The following KCNIP4 variants were observed in gnomAD, a reference collection of about 807,000 sequenced individuals.
KCNIP4 encodes the protein Kv channel-interacting protein 4.
Under a neutral mutation model 34.0 loss-of-function variants are expected in KCNIP4, and 12 were observed. The observed-to-expected ratio is 0.35, with a 90% confidence interval of 0.23 to 0.57. The LOEUF (loss-of-function observed/expected upper bound fraction) is 0.57. Among genes scored for constraint, KCNIP4 ranks in the 20% least tolerant of loss-of-function variants. KCNIP4 has a pLI of 0.83. For synonymous variants in KCNIP4, 124 were observed against 102.2 expected (o/e 1.21, Z -1.29); for missense variants, 238 against 311.7 (o/e 0.76, Z 1.78).
chr4:21,528,781 AAGAAAGG>A (rs1736353337), intron 1 of KCNIP4, among the ~76,000 whole-genome samples: 1 of 19,174 alleles, frequency 5.2e-5, no homozygotes, highest in Non-Finnish European at 1.1e-4. Flanking sequence ...GAAAGAAAGG[AAGAAAGG>A]AAGAAAGGAA....
At chr4:21,013,301 A>G (rs1409985176) in intron 1 of KCNIP4, among the ~76,000 whole-genome samples, 1 of 152,138 alleles carries the variant, frequency 6.6e-6, no homozygotes, top group Non-Finnish European at 1.5e-5. Flanking sequence ...TAGGAGGTGA[A>G]GACTTTCAGG....
chr4:21,460,103 G>C (rs189251352), intron 1 of KCNIP4, among the ~76,000 whole-genome samples: 798 of 56,878 alleles, frequency 0.014, 13 homozygotes, highest in Non-Finnish European at 0.031. Flanking sequence ...TCTGCCCCCC[G>C]CCCCCCATCT....
chr4:20,817,568 A>T (rs1456187307), intron 3 of KCNIP4, among the ~76,000 whole-genome samples: 1 of 151,376 alleles, frequency 6.6e-6, no homozygotes, highest in East Asian at 1.9e-4. Flanking sequence ...AAGCTTAATT[A>T]TTCTTATTTC....
chr4:21,332,371 C>T (rs906868699), intron 1 of KCNIP4, among the ~76,000 whole-genome samples: 3 of 151,890 alleles, frequency 2.0e-5, no homozygotes, highest in African/African-American at 7.3e-5. Context: ...GGTGATGACT[C>T]CAGATTTACA....
intron 1 of KCNIP4, chr4:21,850,995 T>C (rs928474156): frequency 1.3e-5 from 2 of 151,794 alleles, no homozygotes; most frequent in Non-Finnish European, 2.9e-5. Flanking sequence ...CATAATGACA[T>C]AGGAAAAAAA....
intron 1 of KCNIP4, among the ~76,000 whole-genome samples, chr4:21,738,911 A>G (rs1716205866): frequency 6.6e-6 from 1 of 152,138 alleles, no homozygotes; most frequent in African/African-American, 2.4e-5. Context: ...TGGAGAATAG[A>G]AATTGTGGTT....
At chr4:21,851,991 T>A (rs1450399786) in intron 1 of KCNIP4, 1 of 94,286 alleles carries the variant, frequency 1.1e-5, no homozygotes, top group African/African-American at 3.7e-5. Context: ...TACAATTCAA[T>A]TAATATGTGT....
intron 1 of KCNIP4, among the ~76,000 whole-genome samples, chr4:21,644,652 G>A (rs35038373): frequency 0.058 from 8,746 of 152,092 alleles, 306 homozygotes; most frequent in Middle Eastern, 0.12. Context: ...CTCAGAGTCC[G>A]CTGGAATTCT....
chr4:20,933,587 T>C (rs370054802), intron 1 of KCNIP4, among the ~76,000 whole-genome samples: 2 of 152,192 alleles, frequency 1.3e-5, no homozygotes, highest in East Asian at 3.8e-4. Context: ...TCTTATATTT[T>C]AAAACAATTT....
At chr4:21,207,049 T>A (rs1756902294) in intron 1 of KCNIP4, among the ~76,000 whole-genome samples, 1 of 152,234 alleles carries the variant, frequency 6.6e-6, no homozygotes, top group Non-Finnish European at 1.5e-5. Flanking sequence ...TAATAGCATT[T>A]ACTTTCCTAG....
At chr4:21,783,824 C>A (rs1412362419) in intron 1 of KCNIP4, among the ~76,000 whole-genome samples, 3 of 152,092 alleles carry the variant, frequency 2.0e-5, no homozygotes, top group Non-Finnish European at 2.9e-5. Context: ...TAATTTACAA[C>A]CTCAACAGAT....
intron 1 of KCNIP4, among the ~76,000 whole-genome samples, chr4:21,773,129 T>C (rs1198608856): frequency 6.6e-6 from 1 of 152,176 alleles, no homozygotes; most frequent in Non-Finnish European, 1.5e-5. Flanking sequence ...CTGTTCTCAT[T>C]GGTTTGAAAG....
intron 1 of KCNIP4, among the ~76,000 whole-genome samples, chr4:21,270,246 A>G (rs1762060030): frequency 6.6e-6 from 1 of 152,136 alleles, no homozygotes; most frequent in Non-Finnish European, 1.5e-5. Flanking sequence ...AGAATGCCAA[A>G]TATAAAAAGG....
At chr4:21,268,593 G>A (rs1169020479) in intron 1 of KCNIP4, among the ~76,000 whole-genome samples, 1 of 152,242 alleles carries the variant, frequency 6.6e-6, no homozygotes, top group South Asian at 2.1e-4. Context: ...GGTGGTCACA[G>A]ACATGCAAGG....
intron 1 of KCNIP4, among the ~76,000 whole-genome samples, chr4:21,017,390 G>T (rs527883341): frequency 6.6e-6 from 1 of 152,078 alleles, no homozygotes; most frequent in Admixed American, 6.6e-5. Context: ...TCCTCAATGT[G>T]TCCATGTGTT....
At chr4:21,900,062 T>A (rs924779834) in intron 1 of KCNIP4, among the ~76,000 whole-genome samples, 5 of 152,136 alleles carry the variant, frequency 3.3e-5, no homozygotes, top group Admixed American at 6.6e-5. Flanking sequence ...AGCAGACACA[T>A]AGACCTATAG....
At chr4:20,881,270 C>G (rs58334479) in intron 2 of KCNIP4, among the ~76,000 whole-genome samples, 5,295 of 152,142 alleles carry the variant, frequency 0.035, 86 homozygotes, top group African/African-American at 0.049. Context: ...GTTTGTGGTT[C>G]TTTCCATATT....
At chr4:21,491,219 T>C (rs1560456643) in intron 1 of KCNIP4, among the ~76,000 whole-genome samples, 1 of 152,056 alleles carries the variant, frequency 6.6e-6, no homozygotes, top group Non-Finnish European at 1.5e-5. Flanking sequence ...CGTGAATAAA[T>C]AAATGATGAC....
At chr4:21,943,927 T>C (rs1362454407) in intron 1 of KCNIP4, among the ~76,000 whole-genome samples, 1 of 149,640 alleles carries the variant, frequency 6.7e-6, no homozygotes. Flanking sequence ...TTCATCATGA[T>C]GAGAATACCA....
Sources: gnomAD v4.1 joint callset for allele counts (sites outside exome capture counted in the v4.1 genomes callset) on GRCh38, gnomAD v4.1.1 for gene constraint, MANE v1.5 for transcripts, NCBI Gene and HGNC (gene_info 2026-07-23, HGNC 2026-07-21) for gene names.